SORL1: variants seen among roughly 807,000 people sequenced by gnomAD.
SORL1 encodes sortilin related receptor 1.
A neutral mutation model predicts 273.7 loss-of-function variants in SORL1; 127 were observed. The ratio of observed to expected loss-of-function variants is 0.46; its 90% CI spans 0.40 to 0.54. The LOEUF is 0.54. Among genes scored for constraint, SORL1 ranks in the 20% least tolerant of loss-of-function variants. The pLI is 0.00. For synonymous variants in SORL1, 1,031 were observed against 1,067.4 expected (o/e 0.97, Z 0.66); for missense variants, 2,494 against 2,846.1 (o/e 0.88, Z 2.81).
chr11:121,493,949 AT>A (rs774834938), intron 5 of SORL1, among the ~76,000 whole-genome samples: 2 of 152,064 alleles, frequency 1.3e-5, no homozygotes, highest in Non-Finnish European at 2.9e-5. Context: ...CCCTTTTGTT[AT>A]TTTCCTTGAG....
intron 38 of SORL1, 55 bp from the exon 39 acceptor site, chr11:121,611,021 C>A: frequency 2.5e-6 from 3 of 1,192,050 alleles, no homozygotes; most frequent in Non-Finnish European, 2.5e-6. Context: ...TTAAGTCCTG[C>A]CTTCCTCACT....
chr11:121,602,626 G>A (rs897073887), intron 32 of SORL1, among the ~76,000 whole-genome samples: 17 of 152,270 alleles, frequency 1.1e-4, no homozygotes, highest in African/African-American at 4.1e-4. Context: ...AAGAGGGAGG[G>A]GGTCGAGGTC....
At chr11:121,617,522 TG>T (rs1863659153) in intron 41 of SORL1, among the ~76,000 whole-genome samples, 1 of 150,980 alleles carries the variant, frequency 6.6e-6, no homozygotes. Context: ...TCCTCACAGC[TG>T]CTGAGCAGTG....
At chr11:121,605,631 G>T (rs556152132) in intron 35 of SORL1, 60 bp downstream of exon 35, 1 of 1,342,840 alleles carries the variant, frequency 7.4e-7, no homozygotes, top group East Asian at 2.3e-5. Flanking sequence ...GTTTGTGAGG[G>T]TCTTTCTGAG....
intron 1 of SORL1, among the ~76,000 whole-genome samples, chr11:121,454,951 G>A (rs993432683): frequency 6.6e-6 from 1 of 152,144 alleles, no homozygotes; most frequent in African/African-American, 2.4e-5. Context: ...TCTCAAAAGT[G>A]TCAAGATGTG....
rs140487953 is a variant in SORL1, at chr11:121,577,335, G to A, written c.3515G>A (p.Arg1172His). The A allele has an allele frequency of 1.8e-5, 29 of 1,613,396 alleles. No individual in the cohort carries two copies. The highest frequency in any genetic ancestry group is 2.2e-5 in the East Asian group (1 of 44,896). Reference protein sequence around the residue: ...EYNCSSGMCIRSSWVCDGDND... With the variant: ...EYNCSSGMCIHSSWVCDGDND... Reference sequence around the variant, plus strand: ...AACTGCAGTTCCGGCATGTGCATCCGCTCCTCCTGGGTATGTGACGGGGAC... The same window carrying A: ...AACTGCAGTTCCGGCATGTGCATCCACTCCTCCTGGGTATGTGACGGGGAC... The change falls in exon 25 of 48, where the codon CGC becomes CAC. Residue 1172 changes from arginine (R) to histidine (H), a missense_variant. Physicochemically the swap from Arg to His is conservative, Grantham distance 29 (BLOSUM62 0). Coordinates refer to ENST00000260197, the MANE Select transcript of SORL1 (RefSeq NM_003105.6).
intron 44 of SORL1, among the ~76,000 whole-genome samples, chr11:121,621,687 G>A (rs1291869104): frequency 2.6e-5 from 4 of 152,258 alleles, no homozygotes; most frequent in Non-Finnish European, 4.4e-5. Flanking sequence ...TCAGGCTCAA[G>A]TTCAGAGAGC....
chr11:121,545,371 G>C lies in SORL1; in HGVS notation c.1993G>C (p.Asp665His), dbSNP rs756833634. 1.2e-6 allele frequency: 2 copies of C among 1,614,040 alleles called. No homozygotes were observed. ...TPHATCFNGE[D>H]FDRPVVVSNC... The stretch of plus-strand genomic sequence containing the variant: ...CCATGCCACATGCTTCAATGGAGAG[G>C]ACTTTGACAGGCCGGTGGTCGTGTC... The change falls in exon 14 of 48, where the codon GAC (aspartate) becomes CAC (histidine). Residue 665 changes from aspartate (D) to histidine (H), a missense_variant. By Grantham distance (81) the Asp-to-His change is moderately conservative (BLOSUM62 -1). Coordinates refer to ENST00000260197, the MANE Select transcript of SORL1 (RefSeq NM_003105.6).
Position 121,514,341 on chromosome 11 carries a change from T to C in SORL1, c.1211+20T>C, listed in dbSNP as rs757026688. On this transcript the variant is annotated intron_variant, in intron 8 of 47. Coordinates refer to ENST00000260197, the MANE Select transcript of SORL1 (RefSeq NM_003105.6). The stretch of plus-strand genomic sequence containing the variant: ...GGTGAGGTAAGGAGACTGTGAGTCC[T>C]TCTCCTGCCTTCTTAGGCCAACACA... 8 of 1,598,678 alleles carry C rather than the reference T, an allele frequency of 5.0e-6. No homozygotes were observed. Among genetic ancestry groups the C allele is most frequent in the Middle Eastern group, 1.9e-4 (1 of 5,348 alleles).
At chr11:121,621,315 C>A (rs1863721129) in intron 44 of SORL1, 77 bp downstream of exon 44, 10 of 1,316,712 alleles carry the variant, frequency 7.6e-6, no homozygotes, top group East Asian at 2.3e-5. Context: ...CAGAGACAGA[C>A]TTTTCATTAG....
chr11:121,614,872 T>G lies in SORL1; in HGVS notation c.5421T>G (p.Val1807=). 1 of 1,612,170 alleles carries G rather than the reference T, an allele frequency of 6.2e-7. No homozygotes were observed. Residue 1807 remains valine (V), a splice_region_variant and synonymous_variant, in exon 41 of 48, where the codon GTT becomes GTG. Coordinates refer to ENST00000260197, the MANE Select transcript of SORL1 (RefSeq NM_003105.6). ...AATCTCCTTTTCCTGTTTTCACAGT[T>G]GGCAATCTGACAGCTCATACATCCT... ...NFRGSILSHK[V]GNLTAHTSYE...
At chr11:121,509,056 A>G (rs1281924847) in intron 6 of SORL1, among the ~76,000 whole-genome samples, 1 of 150,648 alleles carries the variant, frequency 6.6e-6, no homozygotes, top group Non-Finnish European at 1.5e-5. Flanking sequence ...TCTACTCACT[A>G]CTTTTTTTTC....
At chr11:121,520,606 TAAC>T (rs1232187010) in intron 8 of SORL1, 48 bp from the exon 9 acceptor site, 1 of 1,289,038 alleles carries the variant, frequency 7.8e-7, no homozygotes, top group African/African-American at 1.5e-5. Context: ...TTATTTACAA[TAAC>T]AAGCAAATAC....
intron 30 of SORL1, 61 bp from the exon 31 acceptor site, chr11:121,590,940 T>C: frequency 1.9e-6 from 3 of 1,594,300 alleles, no homozygotes; most frequent in Non-Finnish European, 1.7e-6. Flanking sequence ...TTGGGACATA[T>C]TTGGTCTAAG....
In SORL1 at chr11:121,559,620, C is replaced by T. The variant is rs770217506; in HGVS notation, c.3012C>T (p.Leu1004=). ...TTCTGGCAAACCAGCTCACGGGGCT[C>T]ATGGACATGAAGATTTTCTACAAGG... ...MEILANQLTG[L]MDMKIFYKGK... The change falls in exon 21 of 48, where the codon CTC becomes CTT. Residue 1004 remains leucine, a synonymous_variant. Transcript: ENST00000260197. 2 of 1,614,102 alleles carry T rather than the reference C, an allele frequency of 1.2e-6. No homozygotes were observed. Among genetic ancestry groups the T allele is most frequent in the South Asian group, 2.2e-5 (2 of 91,084 alleles).
intron 6 of SORL1, among the ~76,000 whole-genome samples, chr11:121,498,471 C>T (rs952115218): frequency 2.6e-5 from 4 of 152,214 alleles, no homozygotes; most frequent in Admixed American, 6.5e-5. Flanking sequence ...AACACATTGA[C>T]TGACTGCCTG....
At chr11:121,577,100 C>G in intron 24 of SORL1, 181 bp from the exon 25 acceptor site, 1 of 1,069,012 alleles carries the variant, frequency 9.4e-7, no homozygotes, top group Non-Finnish European at 1.4e-6. Flanking sequence ...CCATTTGCAG[C>G]ACACTGACTG....
chr11:121,591,799 A>G (rs927325531), intron 31 of SORL1, among the ~76,000 whole-genome samples: 2 of 152,210 alleles, frequency 1.3e-5, no homozygotes, highest in Non-Finnish European at 2.9e-5. Flanking sequence ...CATGCTTTGC[A>G]TGATCTTTTC....
Position 121,567,055 on chromosome 11 carries a change from C to G in SORL1, c.3165C>G (p.Asp1055Glu), listed in dbSNP as rs367605756. Residue 1055 changes from aspartate (D) to glutamate (E), a missense_variant, in exon 22 of 48, where the codon GAC becomes GAG. Asp to Glu is a conservative substitution (Grantham distance 45, BLOSUM62 2). Coordinates refer to ENST00000260197, the MANE Select transcript of SORL1 (RefSeq NM_003105.6). ...CCAGCAGTGTGCTTCCATCAGGGGA[C>G]CTGATGTGTGACTGCCCTCAGGGCT... ...DVSSSVLPSG[D>E]LMCDCPQGYQ... The G allele has an allele frequency of 1.9e-5, 30 of 1,614,060 alleles. No individual in the cohort carries two copies. In the East Asian group the frequency reaches 3.6e-4, roughly 19 times the overall value.
Sources: gnomAD v4.1 joint callset for allele counts (sites outside exome capture counted in the v4.1 genomes callset) on GRCh38, gnomAD v4.1.1 for gene constraint, MANE v1.5 for transcripts, NCBI Gene and HGNC (gene_info 2026-07-23, HGNC 2026-07-21) for gene names.